L3MBTL1: variants seen among roughly 807,000 people sequenced by gnomAD.
L3MBTL1 encodes lethal(3)malignant brain tumor-like protein 1.
Under a neutral mutation model 105.3 loss-of-function variants are expected in L3MBTL1, and 75 were observed. The observed-to-expected ratio is 0.71, with a 90% CI of 0.59 to 0.86. The LOEUF is 0.86. Ranked by LOEUF, L3MBTL1 falls within the 40% of genes least tolerant of loss-of-function variation. L3MBTL1 has a pLI of 0.00. For missense variants in L3MBTL1, 1,069 were observed against 1,126.4 expected, an observed-to-expected ratio of 0.95 and a Z score of 0.73; for synonymous variants, 452 against 436.2, an observed-to-expected ratio of 1.04 and a Z score of -0.45.
At chr20:43,527,796 T>C (rs935931992) in intron 7 of L3MBTL1, among the ~76,000 whole-genome samples, 8 of 152,024 alleles carry the variant, frequency 5.3e-5, no homozygotes, top group Non-Finnish European at 1.2e-4. Flanking sequence ...CTCGGCTCAC[T>C]GCAGCCTCCG....
At chr20:43,519,977 C>G (rs2018622662) in intron 7 of L3MBTL1, among the ~76,000 whole-genome samples, 1 of 152,086 alleles carries the variant, frequency 6.6e-6, no homozygotes, top group Admixed American at 6.6e-5. Flanking sequence ...TTGAAGTGTA[C>G]AATTCAGTGG....
rs1331491214 is a variant in L3MBTL1, at chr20:43,541,010, G to C, written c.2471G>C (p.Cys824Ser). The C allele has an allele frequency of 6.2e-7, 1 of 1,614,178 alleles. No homozygotes were observed. Among genetic ancestry groups the C allele is most frequent in the Admixed American group, 1.7e-5 (1 of 60,032 alleles). The change falls in exon 22 of 22, where the codon TGC (cysteine) becomes TCC (serine). Residue 824 changes from cysteine (C) to serine (S), a missense_variant. By Grantham distance (112) the Cys-to-Ser change is moderately radical. Transcript: ENST00000418998. ...GTGGCCCAGCTTGGGGACCTTGTGT[G>C]CTCAGATCATCTTCAGGAAGGAAAA... ...WTVAQLGDLV[C>S]SDHLQEGKGI...
intron 7 of L3MBTL1, among the ~76,000 whole-genome samples, chr20:43,528,156 G>T (rs190614201): frequency 2.6e-5 from 4 of 152,286 alleles, no homozygotes; most frequent in Admixed American, 2.6e-4. Context: ...GCCTCCCAAA[G>T]TGCTGGGATT....
intron 14 of L3MBTL1, 53 bp downstream of exon 14, chr20:43,534,146 T>C: frequency 6.4e-7 from 1 of 1,571,802 alleles, no homozygotes; most frequent in Non-Finnish European, 8.8e-7. Context: ...CATGGAGCAC[T>C]CAGCTAGCCA....
intron 5 of L3MBTL1, 50 bp downstream of exon 5, chr20:43,515,209 G>GC (rs1213457235): frequency 6.2e-7 from 1 of 1,613,920 alleles, no homozygotes. Context: ...AGCCCCCAAA[G>GC]CCTCATTCCT....
exon 19 of L3MBTL1, chr20:43,548,355 A>G (rs1978769080): frequency 2.5e-5 from 25 of 1,001,042 alleles, no homozygotes; most frequent in Non-Finnish European, 3.2e-5. Flanking sequence ...TGCTCCACCT[A>G]TATCTGACCA....
intron 18 of L3MBTL1, 57 bp downstream of exon 18, chr20:43,536,351 C>T (rs2019619462): frequency 6.2e-7 from 1 of 1,612,950 alleles, no homozygotes; most frequent in Non-Finnish European, 8.5e-7. Flanking sequence ...GCCTTGTAGC[C>T]TCTTGGACTG....
chr20:43,518,401 G>A (rs1051463568), intron 7 of L3MBTL1, among the ~76,000 whole-genome samples: 9 of 152,206 alleles, frequency 5.9e-5, no homozygotes, highest in African/African-American at 1.9e-4. Context: ...TAGTGCTGAC[G>A]GAGTGCTCCA....
intron 17 of L3MBTL1, 25 bp downstream of exon 17, chr20:43,535,961 A>G (rs1395387620): frequency 6.2e-7 from 1 of 1,600,974 alleles, no homozygotes; most frequent in East Asian, 2.2e-5. Flanking sequence ...CTGGTGAGAG[A>G]CCCTCAGCGT....
intron 3 of L3MBTL1, chr20:43,514,388 C>A: frequency 1.4e-6 from 2 of 1,415,846 alleles, no homozygotes; most frequent in Non-Finnish European, 1.9e-6. Context: ...GGGACTGGGC[C>A]TGTGGGAGCC....
At position 43,541,153 on chromosome 20, in the gene L3MBTL1, C is replaced by T. The variant is rs1309818484; in HGVS notation, c.*25C>T. ...AAGTGTACTTTTTTCCCCTTTAATC[C>T]AATATAGTTGATAATTAAAGTGTAT... On this transcript the variant is annotated 3_prime_UTR_variant, in exon 22 of 22. Coordinates refer to ENST00000418998, the MANE Select transcript of L3MBTL1 (RefSeq NM_001377303.1). 1.9e-6 allele frequency: 3 copies of T among 1,602,332 alleles called. No homozygotes were observed. The highest frequency in any genetic ancestry group is 1.7e-5 in the Admixed American group (1 of 59,544).
intron 7 of L3MBTL1, among the ~76,000 whole-genome samples, chr20:43,517,138 G>A (rs2018442982): frequency 6.7e-6 from 1 of 149,814 alleles, no homozygotes; most frequent in African/African-American, 2.5e-5. Flanking sequence ...TCACTCTGTT[G>A]CCCAGGCTAG....
chr20:43,512,427 C>T (rs187210832), intron 1 of L3MBTL1, among the ~76,000 whole-genome samples: 30 of 152,312 alleles, frequency 2.0e-4, no homozygotes, highest in Admixed American at 1.7e-3. Context: ...CCCAGGCTAG[C>T]CTCAAACTCC....
In L3MBTL1 at chr20:43,514,706, G is replaced by A. The variant is rs771757236; in HGVS notation, c.432G>A (p.Gln144=). The A allele has an allele frequency of 3.8e-6, 6 of 1,583,154 alleles. No homozygotes were observed. In the South Asian group the frequency reaches 4.6e-5, roughly 12 times the overall value. ...VEQPPSPELR[Q]EGVTEYEDGG... ...AGCCCCCGAGCCCCGAGCTGCGGCA[G>A]GAAGGCGTGACCGAATACGAAGATG... The change falls in exon 4 of 22, where the codon CAG becomes CAA. Residue 144 remains glutamine, a synonymous_variant. Transcript: ENST00000418998.
intron 15 of L3MBTL1, 24 bp downstream of exon 15, chr20:43,534,418 G>T (rs761293198): frequency 1.3e-6 from 2 of 1,593,444 alleles, no homozygotes; most frequent in Admixed American, 3.3e-5. Flanking sequence ...CCTAGGGCTG[G>T]GAAGTGGACA....
chr20:43,547,399 C>T lies in L3MBTL1; in HGVS notation c.2125-712C>T, dbSNP rs149448132. 2.9e-3 allele frequency among the ~76,000 whole-genome samples: 443 copies of T among 152,292 alleles called. 2 individuals carry two copies. Among genetic ancestry groups the T allele is most frequent in the Non-Finnish European group, 5.0e-3 (338 of 68,016 alleles). ...GATTACAGGCGTGAGCCACCGCGCCCGGCCAATTGACATTTTTAAAAGTCT... is the reference window on the plus strand; with the variant it reads ...GATTACAGGCGTGAGCCACCGCGCCTGGCCAATTGACATTTTTAAAAGTCT... On this transcript the variant is annotated intron_variant, in intron 18 of 18. Transcript: ENST00000422861.
chr20:43,542,514 A>G (rs767905648), downstream of L3MBTL1, among the ~76,000 whole-genome samples: 5 of 151,256 alleles, frequency 3.3e-5, no homozygotes, highest in African/African-American at 7.3e-5. Context: ...TGAAAGTACA[A>G]TTTCACAGGT....
At chr20:43,513,433 A>T in intron 1 of L3MBTL1, 43 bp from the exon 2 acceptor site, 3 of 1,506,328 alleles carry the variant, frequency 2.0e-6, no homozygotes, top group Non-Finnish European at 2.7e-6. Flanking sequence ...GCTGTAACAA[A>T]GGTCCCCACC....
At chr20:43,540,676 C>T (rs1449429265) in intron 20 of L3MBTL1, 77 bp from the exon 21 acceptor site, 2 of 1,377,556 alleles carry the variant, frequency 1.5e-6, no homozygotes, top group East Asian at 4.6e-5. Context: ...CTCAGAAGCA[C>T]CTAGGCTGTG....
Sources: gnomAD v4.1 joint callset for allele counts (sites outside exome capture counted in the v4.1 genomes callset) on GRCh38, gnomAD v4.1.1 for gene constraint, MANE v1.5 for transcripts, NCBI Gene and HGNC (gene_info 2026-07-23, HGNC 2026-07-21) for gene names.